The following LTBP1 variants were observed in gnomAD, a reference collection of about 807,000 sequenced individuals.
LTBP1 encodes the protein latent-transforming growth factor beta-binding protein 1.
In LTBP1, 129 loss-of-function variants were observed where a neutral mutation model predicts 207.6. The observed-to-expected ratio is 0.62, with a 90% confidence interval of 0.54 to 0.72. The LOEUF is 0.72. LTBP1 is among the 30% of genes least tolerant of loss of function. The pLI, the probability that LTBP1 is intolerant of heterozygous loss-of-function variation, is 0.00. For synonymous variants in LTBP1, 963 were observed against 833.7 expected (o/e 1.16, Z -2.67); for missense variants, 2,281 against 2,217.2 (o/e 1.03, Z -0.58).
At chr2:33,390,493 A>ATT (rs34522386) in intron 32 of LTBP1, among the ~76,000 whole-genome samples, 3 of 146,502 alleles carry the variant, frequency 2.0e-5, no homozygotes, top group Non-Finnish European at 4.5e-5. Context: ...TTCACCACAA[A>ATT]TTTTTTTTTT....
intron 7 of LTBP1, among the ~76,000 whole-genome samples, chr2:33,193,634 G>C (rs982402850): frequency 6.6e-6 from 1 of 152,158 alleles, no homozygotes; most frequent in Non-Finnish European, 1.5e-5. Context: ...TTTTCTGACA[G>C]CATGCTCTCA....
chr2:33,373,947 C>T (rs1004048380), intron 31 of LTBP1, among the ~76,000 whole-genome samples: 17 of 152,136 alleles, frequency 1.1e-4, no homozygotes, highest in Non-Finnish European at 2.4e-4. Flanking sequence ...CCCAAGTATT[C>T]ATATCATTTT....
chr2:33,139,861 G>A (rs1282114601), intron 5 of LTBP1, among the ~76,000 whole-genome samples: 6 of 152,208 alleles, frequency 3.9e-5, no homozygotes, highest in Admixed American at 6.5e-5. Flanking sequence ...AATAATGGTA[G>A]ATGACAGGTT....
intron 23 of LTBP1, among the ~76,000 whole-genome samples, chr2:33,310,401 A>G (rs2149173004): frequency 6.6e-6 from 1 of 152,344 alleles, no homozygotes; most frequent in Non-Finnish European, 1.5e-5. Context: ...AACACAACAC[A>G]GGTACTAATA....
intron 9 of LTBP1, among the ~76,000 whole-genome samples, chr2:33,242,069 G>A (rs2092345281): frequency 6.6e-6 from 1 of 152,146 alleles, no homozygotes; most frequent in Admixed American, 6.5e-5. Flanking sequence ...GAATGTCACG[G>A]AAGGTATCAT....
At chr2:33,068,951 TTAAC>T (rs1307866888) in intron 3 of LTBP1, among the ~76,000 whole-genome samples, 1 of 152,214 alleles carries the variant, frequency 6.6e-6, no homozygotes, top group Non-Finnish European at 1.5e-5. Context: ...ATATCAATGT[TTAAC>T]TATTCTAACC....
At chr2:33,230,651 C>G (rs976948915) in intron 9 of LTBP1, among the ~76,000 whole-genome samples, 1 of 152,128 alleles carries the variant, frequency 6.6e-6, no homozygotes, top group East Asian at 1.9e-4. Flanking sequence ...ATACTCAGTC[C>G]TTCCCTGAGT....
intron 5 of LTBP1, among the ~76,000 whole-genome samples, chr2:33,179,227 AG>A (rs1463974361): frequency 2.6e-5 from 4 of 152,140 alleles, no homozygotes; most frequent in African/African-American, 9.7e-5. Context: ...AGCTATCATA[AG>A]TGTTAGTGTA....
intron 2 of LTBP1, 76 bp from the exon 3 acceptor site, chr2:33,020,833 C>T (rs2075130568): frequency 7.2e-7 from 1 of 1,391,090 alleles, no homozygotes; most frequent in Non-Finnish European, 9.7e-7. Context: ...CCTGATGCTA[C>T]TGTTAACCCT....
chr2:33,271,244 A>G (rs937895594), intron 15 of LTBP1, among the ~76,000 whole-genome samples: 17 of 152,222 alleles, frequency 1.1e-4, no homozygotes, highest in Admixed American at 3.9e-4. Context: ...CCCCAGATTT[A>G]TAGCCTCTTA....
In LTBP1 at chr2:33,194,197, G is replaced by C. The variant is rs2088268000; in HGVS notation, c.1701+5346G>C. Among the ~76,000 whole-genome samples, 3 of 152,134 alleles carry C rather than the reference G, an allele frequency of 2.0e-5. No individual in the cohort carries two copies. The South Asian group carries it at 6.2e-4, about 32-fold the overall frequency. ...AGATGGGGTTTCACCGTGTTAGCCA[G>C]GGTGGTCTCGATCTCCTGACCTCGT... On this transcript the variant is annotated intron_variant, in intron 7 of 33. Coordinates refer to ENST00000404816, the MANE Select transcript of LTBP1 (RefSeq NM_206943.4).
At chr2:33,320,417 G>C (rs1382757719) in intron 24 of LTBP1, among the ~76,000 whole-genome samples, 1 of 149,968 alleles carries the variant, frequency 6.7e-6, no homozygotes, top group Non-Finnish European at 1.5e-5. Context: ...AAAAAGAAAA[G>C]GTAGAGCACA....
intron 5 of LTBP1, among the ~76,000 whole-genome samples, chr2:33,135,651 C>T (rs531531295): frequency 6.6e-6 from 1 of 152,230 alleles, no homozygotes; most frequent in South Asian, 2.1e-4. Flanking sequence ...GTAGTAGTTG[C>T]TGTCTGCAAG....
chr2:33,186,764 TG>T, intron 5 of LTBP1, 91 bp from the exon 6 acceptor site: 1 of 916,942 alleles, frequency 1.1e-6, no homozygotes, highest in Non-Finnish European at 1.7e-6. Context: ...ATGCCTATAA[TG>T]GGCTGTATGT....
intron 3 of LTBP1, among the ~76,000 whole-genome samples, chr2:33,052,096 G>C (rs777701752): frequency 5.3e-5 from 8 of 152,196 alleles, no homozygotes; most frequent in Non-Finnish European, 8.8e-5. Flanking sequence ...GGAAAGGCTG[G>C]TAAGGACTTC....
chr2:33,135,087 G>T (rs1572793306), intron 5 of LTBP1, 127 bp downstream of exon 5: 3 of 967,860 alleles, frequency 3.1e-6, no homozygotes, highest in East Asian at 2.8e-5. Flanking sequence ...GTACGAGTAT[G>T]TTTCTTTCAT....
intron 9 of LTBP1, among the ~76,000 whole-genome samples, chr2:33,224,734 C>A (rs569443587): frequency 6.6e-6 from 1 of 152,190 alleles, no homozygotes; most frequent in African/African-American, 2.4e-5. Context: ...CTAATATCCT[C>A]TTTTCTTTTT....
At chr2:33,138,848 C>CTTTTTTTTTT (rs71409603) in intron 5 of LTBP1, among the ~76,000 whole-genome samples, 1 of 77,644 alleles carries the variant, frequency 1.3e-5, no homozygotes, top group Non-Finnish European at 2.3e-5. Flanking sequence ...AGTATGTTCT[C>CTTTTTTTTTT]TTTTTTTTTT....
chr2:33,033,488 G>T lies in LTBP1; in HGVS notation c.863+12282G>T, dbSNP rs561330183. On this transcript the variant is annotated intron_variant, in intron 3 of 33. Transcript: ENST00000404816. ...ACAAACCACTTCTAGGTGTTCTCAGGTGTGAACAATCAGATGCAAGCGGGA... is the reference window on the plus strand; with the variant it reads ...ACAAACCACTTCTAGGTGTTCTCAGTTGTGAACAATCAGATGCAAGCGGGA... 3.3e-5 allele frequency among the ~76,000 whole-genome samples: 5 copies of T among 152,198 alleles called. No homozygotes were observed. In the East Asian group the frequency reaches 9.7e-4, roughly 29 times the overall value.
Sources: allele counts gnomAD v4.1 joint callset (sites outside exome capture counted in the v4.1 genomes callset), GRCh38; gene constraint gnomAD v4.1.1; transcripts MANE v1.5; gene names NCBI Gene and HGNC (gene_info 2026-07-23, HGNC 2026-07-21).